Variants in USP34 observed in about 807,000 individuals in gnomAD.
USP34 encodes ubiquitin carboxyl-terminal hydrolase 34.
USP34 carries 70 observed loss-of-function variants against 460.3 expected under a neutral mutation model. The ratio of observed to expected loss-of-function variants is 0.15; its 90% CI spans 0.13 to 0.19. The LOEUF (loss-of-function observed/expected upper bound fraction) is 0.19, where lower values mean the gene tolerates loss of function less well. USP34 is among the 10% of genes least tolerant of loss of function. The pLI is 1.00. For missense variants in USP34, 3,985 were observed against 4,236.2 expected, an observed-to-expected ratio of 0.94 and a Z score of 1.65; for synonymous variants, 1,647 against 1,405.3, an observed-to-expected ratio of 1.17 and a Z score of -3.85.
At chr2:61,202,413 G>A (rs1045058672) in intron 75 of USP34, among the ~76,000 whole-genome samples, 8 of 152,090 alleles carry the variant, frequency 5.3e-5, no homozygotes, top group African/African-American at 1.2e-4. Context: ...GGACACAGAC[G>A]CCTAGAACTC....
chr2:61,407,079 A>G (rs374700791), intron 2 of USP34, among the ~76,000 whole-genome samples: 1 of 152,154 alleles, frequency 6.6e-6, no homozygotes, highest in East Asian at 1.9e-4. Flanking sequence ...AATGCCTGGC[A>G]TATGTAGATA....
chr2:61,281,119 G>C lies in USP34; in HGVS notation c.5122C>G (p.Pro1708Ala), dbSNP rs572101307. Residue 1708 changes from proline (P) to alanine (A), a missense_variant, in exon 38 of 80, where the codon CCT (proline) becomes GCT (alanine). Physicochemically the swap from Pro to Ala is conservative, Grantham distance 27. Around this residue, in one of 14 missense-constraint regions of USP34, gnomAD observed 1,114 missense variants for 1,122.5 expected, o/e 0.99. Transcript: ENST00000398571. ...ATAGGTTTGAGTGCTTGAGCATCAG[G>C]AAGAAATTTCAATAATGTTGAGGCA... ...LAASTLLKFL[P>A]DAQALKPIRI... is the part of the protein sequence containing the mutation. The C allele has an allele frequency of 6.2e-7, 1 of 1,613,702 alleles. No homozygotes were observed. Among genetic ancestry groups the C allele is most frequent in the Non-Finnish European group, 8.5e-7 (1 of 1,179,830 alleles).
At chr2:61,274,698 T>C (rs979951752) in intron 41 of USP34, among the ~76,000 whole-genome samples, 2 of 152,132 alleles carry the variant, frequency 1.3e-5, no homozygotes, top group Admixed American at 6.5e-5. Context: ...TCTAAACGTA[T>C]AGTATGTTGG....
intron 62 of USP34, among the ~76,000 whole-genome samples, chr2:61,225,146 T>C (rs984316430): frequency 4.6e-5 from 7 of 152,216 alleles, no homozygotes; most frequent in East Asian, 3.8e-4. Flanking sequence ...TTTGCAAATA[T>C]ACCATAAACT....
intron 1 of USP34, among the ~76,000 whole-genome samples, chr2:61,438,203 C>G (rs900162035): frequency 8.6e-5 from 13 of 152,040 alleles, no homozygotes; most frequent in African/African-American, 3.1e-4. Context: ...TTAACATACG[C>G]AAATCAATGG....
intron 64 of USP34, 27 bp from the exon 65 acceptor site, chr2:61,222,690 G>C (rs748022281): frequency 6.3e-5 from 101 of 1,604,650 alleles, no homozygotes; most frequent in Non-Finnish European, 7.7e-5. Context: ...AGGATTTCAG[G>C]ATATTCTTGT....
chr2:61,460,089 A>C (rs920093155), intron 1 of USP34, among the ~76,000 whole-genome samples: 1 of 152,132 alleles, frequency 6.6e-6, no homozygotes, highest in Non-Finnish European at 1.5e-5. Context: ...AAACAGTTTT[A>C]TGTTGGCTTT....
At chr2:61,264,578 C>A (rs189479339) in intron 43 of USP34, among the ~76,000 whole-genome samples, 242 of 152,248 alleles carry the variant, frequency 1.6e-3, no homozygotes, top group Non-Finnish European at 2.9e-3. Flanking sequence ...GAGGTCAACA[C>A]TGCAGTGAGC....
At chr2:61,463,433 G>A (rs1348221343) in intron 1 of USP34, among the ~76,000 whole-genome samples, 1 of 152,146 alleles carries the variant, frequency 6.6e-6, no homozygotes, top group Non-Finnish European at 1.5e-5. Context: ...ACAGAAATTT[G>A]TCTGAATTTT....
chr2:61,369,763 G>GAA (rs757054089), intron 10 of USP34, among the ~76,000 whole-genome samples: 3 of 110,632 alleles, frequency 2.7e-5, no homozygotes, highest in East Asian at 2.7e-4. Context: ...AATTAAGAAA[G>GAA]AAAAAAAAAA....
chr2:61,200,941 C>T (rs573942807), intron 75 of USP34, among the ~76,000 whole-genome samples: 2 of 152,022 alleles, frequency 1.3e-5, no homozygotes, highest in Admixed American at 1.3e-4. Flanking sequence ...AGGTCTTTGT[C>T]TAAGACCTAA....
chr2:61,406,730 C>T (rs1036521068), intron 2 of USP34, among the ~76,000 whole-genome samples: 1 of 150,870 alleles, frequency 6.6e-6, no homozygotes, highest in Middle Eastern at 3.4e-3. Flanking sequence ...ATTGGCCAGG[C>T]GCAGTGGCTC....
At chr2:61,235,802 A>G (rs1258140236) in intron 57 of USP34, 43 bp downstream of exon 57, 2 of 1,585,248 alleles carry the variant, frequency 1.3e-6, no homozygotes, top group Non-Finnish European at 1.7e-6. Flanking sequence ...GGAAAAAAAA[A>G]AGAATCTTAA....
rs745356256 is a variant in USP34 at position 61,420,849 on chromosome 2, A to G, written c.44-16T>C. 1.3e-6 allele frequency: 2 copies of G among 1,588,068 alleles called. No individual in the cohort carries two copies. The highest frequency in any genetic ancestry group is 2.7e-5 in the African/African-American group (2 of 74,000). ...ACATCTGATACTGAAATAAAAAAGA[A>G]ATTTTAAAATTATGAATAATGCTAA... On this transcript the variant is annotated splice_polypyrimidine_tract_variant and intron_variant, in intron 1 of 79. Coordinates refer to ENST00000398571, the MANE Select transcript of USP34 (RefSeq NM_014709.4).
rs1218397547 is a variant in USP34 at position 61,296,942 on chromosome 2, A to T, written c.4129-17T>A. 1 of 1,600,854 alleles carries T rather than the reference A, an allele frequency of 6.2e-7. No individual in the cohort carries two copies. Among genetic ancestry groups the T allele is most frequent in the Non-Finnish European group, 8.5e-7 (1 of 1,176,416 alleles). On this transcript the variant is annotated splice_polypyrimidine_tract_variant and intron_variant, in intron 29 of 79. Coordinates refer to ENST00000398571, the MANE Select transcript of USP34 (RefSeq NM_014709.4). ...TCGTAAGCTCTACACAAATAAGAACAACTACTTTATCAAAACAGATCAGAA... is the reference window on the plus strand; with the variant it reads ...TCGTAAGCTCTACACAAATAAGAACTACTACTTTATCAAAACAGATCAGAA...
intron 1 of USP34, among the ~76,000 whole-genome samples, chr2:61,452,639 T>C (rs1337673036): frequency 6.6e-6 from 1 of 151,870 alleles, no homozygotes; most frequent in Non-Finnish European, 1.5e-5. Context: ...TCCCCAGCAC[T>C]TTGGAAGGCC....
rs560681168 is a variant in USP34 at position 61,255,846 on chromosome 2, A to G, written c.6221+538T>C. ...ATTACATGGGCTGTCATAGTATTGCAATGCTTCTGTTCAAGTAACCCTTAT... is the reference window on the plus strand; with the variant it reads ...ATTACATGGGCTGTCATAGTATTGCGATGCTTCTGTTCAAGTAACCCTTAT... On this transcript the variant is annotated intron_variant, in intron 48 of 79. Coordinates refer to ENST00000398571, the MANE Select transcript of USP34 (RefSeq NM_014709.4). 2.6e-5 allele frequency among the ~76,000 whole-genome samples: 4 copies of G among 152,302 alleles called. No individual in the cohort carries two copies. In the East Asian group the frequency reaches 7.7e-4, roughly 29 times the overall value.
At chr2:61,240,686 G>A (rs924022330) in intron 53 of USP34, among the ~76,000 whole-genome samples, 7 of 151,214 alleles carry the variant, frequency 4.6e-5, no homozygotes, top group African/African-American at 9.7e-5. Flanking sequence ...GGCTTCTCTC[G>A]CCTAGGCCTC....
At chr2:61,190,898 C>T (rs2103734038) in intron 76 of USP34, 3 of 365,118 alleles carry the variant, frequency 8.2e-6, no homozygotes, top group East Asian at 4.8e-5. Context: ...ACACTGATGC[C>T]GAAACTGAAC....
Sources: allele counts gnomAD v4.1 joint callset (sites outside exome capture counted in the v4.1 genomes callset), GRCh38; gene constraint gnomAD v4.1.1; regional missense constraint gnomAD v4.1.1; transcripts MANE v1.5; gene names NCBI Gene and HGNC (gene_info 2026-07-23, HGNC 2026-07-21).